Variants in ABI1 observed in about 807,000 individuals in gnomAD.
ABI1 encodes the protein abl interactor 1, also known as Abelson interactor 1.
Under a neutral mutation model 54.6 loss-of-function variants are expected in ABI1, and 14 were observed. The observed-to-expected ratio is 0.26, with a 90% CI of 0.17 to 0.40. ABI1 has a LOEUF of 0.40. Ranked by LOEUF, ABI1 falls within the 10% of genes least tolerant of loss-of-function variation. The pLI is 1.00. For missense variants in ABI1, 443 were observed against 598.3 expected (o/e 0.74, Z 2.71); for synonymous variants, 194 against 209.3 (o/e 0.93, Z 0.63).
At chr10:26,758,707 A>ACTACG (rs1199528891) in intron 8 of ABI1, among the ~76,000 whole-genome samples, 2 of 152,212 alleles carry the variant, frequency 1.3e-5, no homozygotes, top group African/African-American at 4.8e-5. Context: ...TTTTACCATT[A>ACTACG]CTACGCTGTC....
intron 1 of ABI1, among the ~76,000 whole-genome samples, chr10:26,826,506 A>G (rs1422353192): frequency 6.6e-6 from 1 of 152,218 alleles, no homozygotes; most frequent in Non-Finnish European, 1.5e-5. Flanking sequence ...GATTCAACTT[A>G]AAGTCACCAG....
At chr10:26,846,046 C>T (rs1456427347) in intron 1 of ABI1, among the ~76,000 whole-genome samples, 1 of 151,024 alleles carries the variant, frequency 6.6e-6, no homozygotes, top group East Asian at 2.0e-4. Flanking sequence ...GAGGCTGAGG[C>T]AGAGAGACTT....
chr10:26,752,154 T>C (rs1039179279), intron 9 of ABI1, among the ~76,000 whole-genome samples: 1 of 152,220 alleles, frequency 6.6e-6, no homozygotes, highest in African/African-American at 2.4e-5. Context: ...AGTAATGATA[T>C]GAGTAACATT....
chr10:26,810,443 C>T (rs946535730), intron 2 of ABI1, among the ~76,000 whole-genome samples: 5 of 152,040 alleles, frequency 3.3e-5, no homozygotes, highest in African/African-American at 7.2e-5. Context: ...ATAGAGAAAC[C>T]GGTGTTAAAT....
chr10:26,771,389 G>A (rs193277434), intron 3 of ABI1, among the ~76,000 whole-genome samples: 3 of 152,188 alleles, frequency 2.0e-5, no homozygotes, highest in Admixed American at 1.3e-4. Context: ...TAATCCAACC[G>A]AGTAACAGAT....
At chr10:26,761,661 T>TATATATATATATACAC (rs1375832167) in intron 7 of ABI1, among the ~76,000 whole-genome samples, 32 of 78,918 alleles carry the variant, frequency 4.1e-4, no homozygotes, top group African/African-American at 1.2e-3. Context: ...TATATATATA[T>TATATATATATATACAC]ACACACACAC....
chr10:26,757,411 A>C (rs1194280281), intron 8 of ABI1, among the ~76,000 whole-genome samples: 3 of 95,508 alleles, frequency 3.1e-5, no homozygotes, highest in African/African-American at 2.4e-4. Flanking sequence ...TATTATATAA[A>C]AAAGTCACAA....
chr10:26,805,877 A>G (rs1010197283), intron 2 of ABI1, among the ~76,000 whole-genome samples: 1 of 152,202 alleles, frequency 6.6e-6, no homozygotes, highest in African/African-American at 2.4e-5. Flanking sequence ...GCACAACACA[A>G]TTAGCCTCAG....
In ABI1 at chr10:26,760,418, A is replaced by G. The variant is rs1282680245; in HGVS notation, c.821-1180T>C. 3.3e-5 allele frequency among the ~76,000 whole-genome samples: 5 copies of G among 152,236 alleles called. No homozygotes were observed. The East Asian group carries it at 9.6e-4, about 29-fold the overall frequency. On this transcript the variant is annotated intron_variant, in intron 7 of 10. Transcript: ENST00000376140. ...TAAAACCATACAGCAGAGGTTGTTC[A>G]TTAAGAGAAGTGCTGATCTAACATT... is the stretch of plus-strand genomic sequence containing the variant.
At chr10:26,842,896 T>G (rs972300556) in intron 1 of ABI1, among the ~76,000 whole-genome samples, 1 of 151,856 alleles carries the variant, frequency 6.6e-6, no homozygotes, top group South Asian at 2.1e-4. Flanking sequence ...ATATAAAAAT[T>G]AGCCGGGCAT....
chr10:26,754,223 C>T (rs1837986593), intron 9 of ABI1, among the ~76,000 whole-genome samples: 1 of 152,144 alleles, frequency 6.6e-6, no homozygotes, highest in Admixed American at 6.5e-5. Flanking sequence ...GATCATGGCT[C>T]ACTGCAGCCT....
intron 1 of ABI1, among the ~76,000 whole-genome samples, chr10:26,834,512 CA>C (rs1248892437): frequency 6.8e-6 from 1 of 147,808 alleles, no homozygotes; most frequent in African/African-American, 2.5e-5. Flanking sequence ...AGGAAAATGG[CA>C]AAAGATCTGG....
intron 7 of ABI1, among the ~76,000 whole-genome samples, chr10:26,762,763 T>C (rs1298016091): frequency 1.3e-5 from 2 of 152,212 alleles, no homozygotes; most frequent in Non-Finnish European, 2.9e-5. Flanking sequence ...TGAAAGGATC[T>C]TGGTAATCCT....
intron 2 of ABI1, among the ~76,000 whole-genome samples, chr10:26,816,400 GAAGA>G (rs142672628): frequency 0.021 from 3,262 of 152,228 alleles, 228 homozygotes; most frequent in East Asian, 0.2. Flanking sequence ...AAGTGGCTGA[GAAGA>G]AAGGGAAGAA....
chr10:26,806,229 T>C (rs1405433220), intron 2 of ABI1, among the ~76,000 whole-genome samples: 1 of 152,180 alleles, frequency 6.6e-6, no homozygotes, highest in Non-Finnish European at 1.5e-5. Flanking sequence ...AAAATCAACA[T>C]TGTCCAGTTG....
chr10:26,806,920 T>C (rs553197346), intron 2 of ABI1, among the ~76,000 whole-genome samples: 7 of 152,358 alleles, frequency 4.6e-5, no homozygotes, highest in Admixed American at 4.6e-4. Flanking sequence ...CCACAAGTTG[T>C]CACACATAAG....
At chr10:26,801,740 C>G (rs1055273297) in intron 2 of ABI1, among the ~76,000 whole-genome samples, 9 of 151,994 alleles carry the variant, frequency 5.9e-5, no homozygotes, top group Non-Finnish European at 1.2e-4. Flanking sequence ...TTCTAATGGC[C>G]CTAAATTCTG....
At chr10:26,832,204 A>G (rs7082503) in intron 1 of ABI1, among the ~76,000 whole-genome samples, 29,481 of 152,094 alleles carry the variant, frequency 0.19, 3,768 homozygotes, top group African/African-American at 0.36. Context: ...AATTTCAGAG[A>G]TACTAAGTAG....
intron 1 of ABI1, among the ~76,000 whole-genome samples, chr10:26,859,885 G>GT (rs1459769487): frequency 6.6e-6 from 1 of 152,054 alleles, no homozygotes; most frequent in South Asian, 2.1e-4. Flanking sequence ...AGGGTAAGCC[G>GT]TTTTTCCAAG....
Sources: allele counts gnomAD v4.1 joint callset (sites outside exome capture counted in the v4.1 genomes callset), GRCh38; gene constraint gnomAD v4.1.1; transcripts MANE v1.5; gene names NCBI Gene and HGNC (gene_info 2026-07-23, HGNC 2026-07-21).